Variants in KAT2B observed in about 807,000 individuals in gnomAD.
KAT2B encodes the protein histone acetyltransferase KAT2B.
KAT2B carries 36 observed loss-of-function variants against 105.9 expected under a neutral mutation model. The observed-to-expected ratio is 0.34, with a 90% CI of 0.26 to 0.45. The LOEUF (loss-of-function observed/expected upper bound fraction) is 0.45, where lower values mean the gene tolerates loss of function less well. Among genes scored for constraint, KAT2B ranks in the 20% least tolerant of loss-of-function variants. The pLI is 1.00. For synonymous variants in KAT2B, 397 were observed against 377.9 expected, an observed-to-expected ratio of 1.05 and a Z score of -0.59; for missense variants, 820 against 1,021.6, an observed-to-expected ratio of 0.80 and a Z score of 2.69.
chr3:20,093,635 C>G (rs1452244019), intron 2 of KAT2B, among the ~76,000 whole-genome samples: 1 of 152,148 alleles, frequency 6.6e-6, no homozygotes, highest in Non-Finnish European at 1.5e-5. Context: ...AGATATTCCT[C>G]AATAGCCTTT....
rs927806616 is a variant in KAT2B at position 20,085,228 on chromosome 3, C to G, written c.431-10035C>G. ...AAAAAGTTTATAAGACAAAAATAGT[C>G]CTAAATAAAATTATTTCTGTAAATA... On this transcript the variant is annotated intron_variant, in intron 2 of 17. Coordinates refer to ENST00000263754, the MANE Select transcript of KAT2B (RefSeq NM_003884.5). Among the ~76,000 whole-genome samples, 4 of 152,054 alleles carry G rather than the reference C, an allele frequency of 2.6e-5. 1 individual carries two copies. Among genetic ancestry groups the G allele is most frequent in the Admixed American group, 2.6e-4 (4 of 15,250 alleles).
At chr3:20,054,937 G>A (rs528883027) in intron 1 of KAT2B, among the ~76,000 whole-genome samples, 21 of 152,302 alleles carry the variant, frequency 1.4e-4, no homozygotes, top group Non-Finnish European at 2.5e-4. Flanking sequence ...AAAGCCACAA[G>A]GAGCCCTTTT....
chr3:20,046,590 C>A (rs1480069092), intron 1 of KAT2B, among the ~76,000 whole-genome samples: 4 of 152,046 alleles, frequency 2.6e-5, no homozygotes, highest in Admixed American at 2.6e-4. Context: ...GATTTATAAT[C>A]TAGAAGTAGC....
At chr3:20,133,469 A>G (rs1699546265) in intron 11 of KAT2B, among the ~76,000 whole-genome samples, 1 of 152,194 alleles carries the variant, frequency 6.6e-6, no homozygotes, top group African/African-American at 2.4e-5. Flanking sequence ...ACATTTCCAT[A>G]ATTGCAGGAA....
intron 7 of KAT2B, among the ~76,000 whole-genome samples, chr3:20,116,092 T>C (rs77109672): frequency 1.3e-5 from 2 of 152,130 alleles, no homozygotes; most frequent in Non-Finnish European, 2.9e-5. Flanking sequence ...TTTTTTTTTT[T>C]CTAACCTGAG....
At chr3:20,107,015 A>T (rs11287582) in intron 5 of KAT2B, among the ~76,000 whole-genome samples, 72 of 26,122 alleles carry the variant, frequency 2.8e-3, no homozygotes, top group East Asian at 6.7e-3. Context: ...ATATATATAT[A>T]TTTTTTTTTT....
rs187100683 is a variant in KAT2B, at chr3:20,080,138, A to G, written c.430+7679A>G. Among the ~76,000 whole-genome samples the G allele has an allele frequency of 1.6e-3, 247 of 152,188 alleles. 1 individual carries two copies. Among genetic ancestry groups the G allele is most frequent in the African/African-American group, 4.6e-3 (192 of 41,510 alleles). Reference sequence around the variant, plus strand: ...TAAAGTGATGATACAATGTGATCCCATTCTCCTGCTTAACCCCTCTGAGCT... The same window carrying G: ...TAAAGTGATGATACAATGTGATCCCGTTCTCCTGCTTAACCCCTCTGAGCT... On this transcript the variant is annotated intron_variant, in intron 2 of 17. Coordinates refer to ENST00000263754, the MANE Select transcript of KAT2B (RefSeq NM_003884.5).
Position 20,111,581 on chromosome 3 carries a change from C to G in KAT2B, c.852-15C>G, listed in dbSNP as rs1477756855. On this transcript the variant is annotated splice_polypyrimidine_tract_variant and intron_variant, in intron 5 of 17. Coordinates refer to ENST00000263754, the MANE Select transcript of KAT2B (RefSeq NM_003884.5). ...TTTATGGGATATTGATGGTGCTTGA[C>G]TTCTCTTGTCACAGGTGGCTGTGTT... The G allele has an allele frequency of 6.3e-6, 10 of 1,598,448 alleles. No individual in the cohort carries two copies. The highest frequency in any genetic ancestry group is 8.5e-6 in the Non-Finnish European group (10 of 1,171,778).
intron 8 of KAT2B, 66 bp from the exon 9 acceptor site, chr3:20,122,602 T>G (rs1699329702): frequency 7.9e-7 from 1 of 1,269,440 alleles, no homozygotes; most frequent in Non-Finnish European, 1.1e-6. Context: ...GAAAATTAGT[T>G]GGCGTGTATT....
chr3:20,054,507 T>G (rs1452777979), intron 1 of KAT2B, among the ~76,000 whole-genome samples: 2 of 152,178 alleles, frequency 1.3e-5, no homozygotes, highest in Non-Finnish European at 2.9e-5. Context: ...AGGAGGAGGT[T>G]TAGGGTAATC....
chr3:20,130,627 G>T (rs529971647), intron 11 of KAT2B, among the ~76,000 whole-genome samples: 307 of 152,218 alleles, frequency 2.0e-3, no homozygotes, highest in African/African-American at 7.1e-3. Flanking sequence ...GAAACTGAAG[G>T]TATTTAATAC....
In KAT2B at chr3:20,079,152, C is replaced by T. The variant is rs927968278; in HGVS notation, c.430+6693C>T. Reference sequence around the variant, plus strand: ...CTGATCTCAGGTGATCCACCCGCCTCGGCCTCTCAAAGTGCTGGGATTACA... The same window carrying T: ...CTGATCTCAGGTGATCCACCCGCCTTGGCCTCTCAAAGTGCTGGGATTACA... On this transcript the variant is annotated intron_variant, in intron 2 of 17. Coordinates refer to ENST00000263754, the MANE Select transcript of KAT2B (RefSeq NM_003884.5). 1.6e-4 allele frequency among the ~76,000 whole-genome samples: 24 copies of T among 150,652 alleles called. 1 individual carries two copies. The highest frequency in any genetic ancestry group is 3.5e-3 in the Middle Eastern group (1 of 284).
chr3:20,118,268 T>TATTATTTATATATAAATAAATA (rs1038967947), intron 7 of KAT2B, among the ~76,000 whole-genome samples: 2 of 146,328 alleles, frequency 1.4e-5, no homozygotes, highest in East Asian at 1.9e-4. Flanking sequence ...TATGTAAATA[T>TATTATTTATATATAAATAAATA]ATTATTTATA....
chr3:20,115,444 G>A (rs1431086554), intron 7 of KAT2B, among the ~76,000 whole-genome samples: 2 of 152,184 alleles, frequency 1.3e-5, no homozygotes, highest in African/African-American at 4.8e-5. Flanking sequence ...CCATGGAGAG[G>A]TTTGGCAAGA....
At chr3:20,086,968 G>C (rs1698630216) in intron 2 of KAT2B, among the ~76,000 whole-genome samples, 1 of 152,092 alleles carries the variant, frequency 6.6e-6, no homozygotes, top group Non-Finnish European at 1.5e-5. Context: ...TTTGAGTAGA[G>C]ATGGGGTTTC....
At chr3:20,054,205 C>T (rs1245934010) in intron 1 of KAT2B, among the ~76,000 whole-genome samples, 2 of 147,366 alleles carry the variant, frequency 1.4e-5, no homozygotes, top group Admixed American at 6.7e-5. Context: ...TCTTGGCTCA[C>T]TGCAATCTCC....
Position 20,048,180 on chromosome 3 carries a change from G to A in KAT2B, c.303+7400G>A, listed in dbSNP as rs113478332. ...AAGCCAAGCATACAAAGGAAAAAAT[G>A]TTTCATTTGGCAGGCACAATACAAA... On this transcript the variant is annotated intron_variant, in intron 1 of 17. Transcript: ENST00000263754. Among the ~76,000 whole-genome samples, 910 of 152,204 alleles carry A rather than the reference G, an allele frequency of 6.0e-3. 9 individuals carry two copies. The highest frequency in any genetic ancestry group is 0.021 in the African/African-American group (868 of 41,524).
chr3:20,063,512 A>C (rs552172575), intron 1 of KAT2B, among the ~76,000 whole-genome samples: 2 of 140,726 alleles, frequency 1.4e-5, no homozygotes, highest in East Asian at 2.0e-4. Flanking sequence ...ATCTCACCTC[A>C]CAGCAACTTC....
At chr3:20,109,703 A>G (rs1358937165) in intron 5 of KAT2B, among the ~76,000 whole-genome samples, 1 of 152,176 alleles carries the variant, frequency 6.6e-6, no homozygotes, top group Non-Finnish European at 1.5e-5. Flanking sequence ...GAATTTCTAT[A>G]TGAAGCACCT....
Sources: gnomAD v4.1 joint callset for allele counts (sites outside exome capture counted in the v4.1 genomes callset) on GRCh38, gnomAD v4.1.1 for gene constraint, MANE v1.5 for transcripts, NCBI Gene and HGNC (gene_info 2026-07-23, HGNC 2026-07-21) for gene names.